Variants in ZNF492 observed in about 807,000 individuals in gnomAD.
The protein encoded by ZNF492 is zinc finger protein 492, also known as zinc finger protein 115 (Y20).
ZNF492 carries 3 observed loss-of-function variants against 6.4 expected under a neutral mutation model. The observed-to-expected ratio is 0.47, with a 90% CI of 0.21 to 1.22. The LOEUF is 1.22. Ranked by LOEUF, ZNF492 falls within the 50% of genes most tolerant of loss-of-function variation. ZNF492 has a pLI of 0.22. For missense variants in ZNF492, 356 were observed against 612.5 expected, an observed-to-expected ratio of 0.58 and a Z score of 4.42; for synonymous variants, 112 against 205.3, an observed-to-expected ratio of 0.55 and a Z score of 3.89.
intron 3 of ZNF492, among the ~76,000 whole-genome samples, chr19:22,658,767 T>TA (rs1972023332): frequency 7.0e-6 from 1 of 143,710 alleles, no homozygotes; most frequent in African/African-American, 2.8e-5. Context: ...CTACTGGCTT[T>TA]TAGTAACAAT....
intron 1 of ZNF492, among the ~76,000 whole-genome samples, chr19:22,649,981 C>T (rs1019715441): frequency 2.0e-5 from 3 of 152,168 alleles, no homozygotes; most frequent in South Asian, 2.1e-4. Flanking sequence ...CAGTTCTGCA[C>T]CCTTGCTGGA....
Position 22,634,332 on chromosome 19 carries a change from C to T in ZNF492, c.-236C>T. On this transcript the variant is annotated 5_prime_UTR_variant, in exon 1 of 4. Transcript: ENST00000456783. ...TTCCGGGATGTGGCGGGGTCTTTGT[C>T]TCTCGCTGCAGTCGGAGTATGGTCT... 3.2e-6 allele frequency: 3 copies of T among 941,908 alleles called. No homozygotes were observed. Among genetic ancestry groups the T allele is most frequent in the Admixed American group, 2.1e-5 (1 of 48,572 alleles). The allele number at this position is 941,908 out of a possible 1,614,324, so 58.3% of individuals were successfully genotyped here.
At chr19:22,661,881 C>T (rs1004240547) in intron 3 of ZNF492, among the ~76,000 whole-genome samples, 3 of 152,116 alleles carry the variant, frequency 2.0e-5, no homozygotes, top group Non-Finnish European at 4.4e-5. Context: ...CAGGTTTGAA[C>T]CACCAAACTC....
In ZNF492 at chr19:22,665,155, A is replaced by G. The variant is rs750987092; in HGVS notation, c.1486A>G (p.Lys496Glu). ...FNNSSILNRH[K>E]MIHTGEKLYK... is the part of the protein sequence containing the mutation. ...CAACTCCTCTATTCTTAACAGACATAAGATGATTCATACTGGAGAGAAACT... is the reference window on the plus strand; with the variant it reads ...CAACTCCTCTATTCTTAACAGACATGAGATGATTCATACTGGAGAGAAACT... Residue 496 changes from lysine to glutamate, a missense_variant, in exon 4 of 4, where the codon AAG becomes GAG. Transcript: ENST00000456783. 1.2e-6 allele frequency: 2 copies of G among 1,611,350 alleles called. No individual in the cohort carries two copies. The highest frequency in any genetic ancestry group is 1.7e-6 in the Non-Finnish European group (2 of 1,179,540).
rs1432318252 is a variant in ZNF492 at position 22,663,968 on chromosome 19, G to C, written c.299G>C (p.Gly100Ala). 2.5e-6 allele frequency: 4 copies of C among 1,612,174 alleles called. No homozygotes were observed. Among genetic ancestry groups the C allele is most frequent in the Non-Finnish European group, 1.7e-6 (2 of 1,179,116 alleles). Residue 100 changes from glycine to alanine, a missense_variant, in exon 4 of 4, where the codon GGA becomes GCA. Around this residue, in one of 7 missense-constraint regions of ZNF492, gnomAD observed 196 missense variants for 219.4 expected, o/e 0.89. Coordinates refer to ENST00000456783, the MANE Select transcript of ZNF492 (RefSeq NM_020855.3). ...AAGGTGCACAAAGAATGTTACAATGGACTTAACCAGTGTTTGACGACTACC... is the reference window on the plus strand; with the variant it reads ...AAGGTGCACAAAGAATGTTACAATGCACTTAACCAGTGTTTGACGACTACC... ...ECKVHKECYN[G>A]LNQCLTTTQN...
chr19:22,653,143 G>A (rs1342611674), intron 1 of ZNF492, among the ~76,000 whole-genome samples, 164 bp from the exon 2 acceptor site: 3 of 152,030 alleles, frequency 2.0e-5, no homozygotes, highest in East Asian at 3.9e-4. Context: ...GTTAGAGAAT[G>A]CATTAGAGAA....
At chr19:22,645,619 G>A (rs1971870056) in intron 1 of ZNF492, among the ~76,000 whole-genome samples, 1 of 152,132 alleles carries the variant, frequency 6.6e-6, no homozygotes, top group Non-Finnish European at 1.5e-5. Flanking sequence ...GAATGGTATT[G>A]CCTAGATTTT....
At chr19:22,637,359 C>T (rs1457668739) in intron 1 of ZNF492, among the ~76,000 whole-genome samples, 1 of 151,960 alleles carries the variant, frequency 6.6e-6, no homozygotes, top group East Asian at 1.9e-4. Context: ...GGCATGATCT[C>T]AGCTTACTGC....
intron 3 of ZNF492, among the ~76,000 whole-genome samples, chr19:22,657,794 T>C (rs1972011975): frequency 6.6e-6 from 1 of 152,140 alleles, no homozygotes; most frequent in African/African-American, 2.4e-5. Context: ...AAGAGATAGA[T>C]CAGCCTTATC....
chr19:22,661,615 A>G (rs1348083781), intron 3 of ZNF492, among the ~76,000 whole-genome samples: 1 of 148,864 alleles, frequency 6.7e-6, no homozygotes, highest in Non-Finnish European at 1.5e-5. Context: ...TTTTTTTTTG[A>G]AACAGAGTTT....
At chr19:22,652,842 G>A (rs989832836) in intron 1 of ZNF492, among the ~76,000 whole-genome samples, 3 of 152,138 alleles carry the variant, frequency 2.0e-5, no homozygotes, top group Admixed American at 1.3e-4. Context: ...GCCTCCCAAA[G>A]TGCTGGGATT....
In ZNF492 at chr19:22,667,371, A is replaced by T. The variant is rs1972141839; in HGVS notation, c.*2106A>T. The T allele has an allele frequency of 6.6e-6, 1 of 152,158 alleles. No individual in the cohort carries two copies. The highest frequency in any genetic ancestry group is 2.1e-4 in the South Asian group (1 of 4,826). The allele number at this position is 152,158 out of a possible 1,614,324, so 9.4% of individuals were successfully genotyped here. On this transcript the variant is annotated 3_prime_UTR_variant, in exon 4 of 4. Transcript: ENST00000456783. ...TGTTGTTTCTGTAGGTAAAATTTTT[A>T]TTTATTTTTTCCCATTTAAATTTAC... is the stretch of plus-strand genomic sequence containing the variant.
chr19:22,648,370 T>C (rs1971905485), intron 1 of ZNF492, among the ~76,000 whole-genome samples: 2 of 152,222 alleles, frequency 1.3e-5, no homozygotes, highest in Non-Finnish European at 2.9e-5. Context: ...CTTCCAATTA[T>C]GTGGTTGATT....
chr19:22,654,461 TTC>T (rs532926499), intron 3 of ZNF492, among the ~76,000 whole-genome samples: 23 of 152,236 alleles, frequency 1.5e-4, no homozygotes, highest in African/African-American at 5.3e-4. Context: ...GCACATTGCA[TTC>T]TGTCTTATTA....
At chr19:22,635,040 T>A (rs908869077) in intron 1 of ZNF492, among the ~76,000 whole-genome samples, 3 of 152,132 alleles carry the variant, frequency 2.0e-5, no homozygotes, top group Non-Finnish European at 2.9e-5. Context: ...CGGTTAGGTA[T>A]ATTTACGTAG....
At chr19:22,636,485 C>T (rs1475154259) in intron 1 of ZNF492, among the ~76,000 whole-genome samples, 1 of 98,324 alleles carries the variant, frequency 1.0e-5, no homozygotes, top group Non-Finnish European at 1.9e-5. Flanking sequence ...ATCTATGTTG[C>T]TCTATGTTGC....
chr19:22,663,216 T>C (rs1230038803), intron 3 of ZNF492, among the ~76,000 whole-genome samples: 1 of 151,990 alleles, frequency 6.6e-6, no homozygotes, highest in Non-Finnish European at 1.5e-5. Context: ...TCTTGTGTTT[T>C]GTCAGGTTTG....
intron 3 of ZNF492, among the ~76,000 whole-genome samples, chr19:22,655,695 A>ACTTATTCC (rs1971987701): frequency 1.3e-5 from 1 of 76,930 alleles, no homozygotes; most frequent in African/African-American, 6.6e-5. Context: ...TTTTTTTTTT[A>ACTTATTCC]CTTATTCCAC....
chr19:22,637,168 G>A (rs1235247181), intron 1 of ZNF492, among the ~76,000 whole-genome samples: 7 of 151,180 alleles, frequency 4.6e-5, no homozygotes, highest in Admixed American at 3.3e-4. Context: ...TAGTAGAGAT[G>A]GGGTTTCACC....
Sources: gnomAD v4.1 joint callset for allele counts (sites outside exome capture counted in the v4.1 genomes callset) on GRCh38, gnomAD v4.1.1 for gene constraint, gnomAD v4.1.1 regional missense constraint, MANE v1.5 for transcripts, NCBI Gene and HGNC (gene_info 2026-07-23, HGNC 2026-07-21) for gene names.